Variants in RRH observed in about 807,000 individuals in gnomAD.
The protein encoded by RRH is retinal pigment epithelium-derived rhodopsin homolog, also known as visual pigment-like receptor peropsin.
RRH carries 36 observed loss-of-function variants against 33.1 expected under a neutral mutation model. The ratio of observed to expected loss-of-function variants is 1.09; its 90% CI spans 0.83 to 1.44. RRH has a LOEUF of 1.44. Among genes scored for constraint, RRH ranks in the 40% most tolerant of loss-of-function variants. RRH has a pLI of 0.00. For missense variants in RRH, 393 were observed against 420.2 expected (o/e 0.94, Z 0.57); for synonymous variants, 124 against 140.2 (o/e 0.88, Z 0.82).
At chr4:109,830,561 A>G (rs897228207) in intron 1 of RRH, among the ~76,000 whole-genome samples, 1 of 152,128 alleles carries the variant, frequency 6.6e-6, no homozygotes, top group African/African-American at 2.4e-5. Context: ...CACTGAATAG[A>G]TGGTGATGCT....
In RRH at chr4:109,837,856, A is replaced by G. The variant is rs536932325; in HGVS notation, c.720+251A>G. Among the ~76,000 whole-genome samples the G allele has an allele frequency of 4.6e-4, 70 of 150,786 alleles. No homozygotes were observed. The East Asian group carries it at 0.01, about 22-fold the overall frequency. On this transcript the variant is annotated intron_variant, in intron 5 of 6. Coordinates refer to ENST00000317735, the MANE Select transcript of RRH (RefSeq NM_006583.5). ...AATGGCACGATCTCGGCTCACTGCA[A>G]CCTCCGCCTCCCGGGTTCAAGTGAT...
chr4:109,833,136 C>T lies in RRH; in HGVS notation c.107-3C>T. 6.2e-7 allele frequency: 1 copy of T among 1,610,466 alleles called. No homozygotes were observed. Among genetic ancestry groups the T allele is most frequent in the Non-Finnish European group, 8.5e-7 (1 of 1,176,826 alleles). On this transcript the variant is annotated splice_region_variant and splice_polypyrimidine_tract_variant and intron_variant, in intron 1 of 6. Transcript: ENST00000317735. ...TGCATCATATTTTTGTGTGTGTTCT[C>T]AGGTATGATAAGTATTATCAGCAAC...
chr4:109,842,708 A>C, intron 6 of RRH, 61 bp downstream of exon 6: 1 of 1,455,518 alleles, frequency 6.9e-7, no homozygotes, highest in Non-Finnish European at 9.6e-7. Context: ...GAATGTTAAG[A>C]CTTCTTGGGA....
chr4:109,840,421 T>C (rs1055235147), intron 5 of RRH, among the ~76,000 whole-genome samples: 1 of 152,208 alleles, frequency 6.6e-6, no homozygotes, highest in Non-Finnish European at 1.5e-5. Context: ...GTCGGTTGTC[T>C]GTTTACTCTG....
chr4:109,842,743 A>G (rs1734009160), intron 6 of RRH, 96 bp downstream of exon 6: 2 of 1,088,678 alleles, frequency 1.8e-6, no homozygotes, highest in Non-Finnish European at 2.8e-6. Context: ...ACCCACTTCA[A>G]TCTAGCATAA....
In RRH at chr4:109,844,189, A is replaced by G; in HGVS notation, c.1006A>G (p.Arg336Gly). 1 of 1,602,516 alleles carries G rather than the reference A, an allele frequency of 6.2e-7. No homozygotes were observed. Among genetic ancestry groups the G allele is most frequent in the Middle Eastern group, 1.7e-4 (1 of 6,032 alleles). Residue 336 changes from arginine to glycine, a missense_variant, in exon 7 of 7, where the codon AGA becomes GGA. Transcript: ENST00000317735. ...ATCTCAAAACCCATTGGCTTCTGGA[A>G]GAATCTGAAATAAGATAAAAGGACA... ...DVSQNPLASG[R>G]I
Position 109,828,248 on chromosome 4 carries a change from C to T in RRH, c.106+115C>T, listed in dbSNP as rs1023292076. The T allele has an allele frequency of 1.1e-4, 75 of 702,360 alleles. No homozygotes were observed. The East Asian group carries it at 1.9e-3, about 18-fold the overall frequency. The allele number at this position is 702,360 out of a possible 1,614,324, so 43.5% of individuals were successfully genotyped here. A position where few individuals can be genotyped will look rare whatever the true frequency, so the allele number is the denominator to read the frequency against. On this transcript the variant is annotated intron_variant, in intron 1 of 6. Coordinates refer to ENST00000317735, the MANE Select transcript of RRH (RefSeq NM_006583.5). The stretch of plus-strand genomic sequence containing the variant: ...ATATTATTGGCCAACCTTGACAAGT[C>T]ATTTATCCTGACTTGGCTTGCTCGT...
intron 2 of RRH, among the ~76,000 whole-genome samples, chr4:109,833,614 A>G (rs977771228): frequency 6.6e-6 from 1 of 152,206 alleles, no homozygotes; most frequent in African/African-American, 2.4e-5. Flanking sequence ...ATTCAAATAA[A>G]TATTTGCATA....
chr4:109,829,106 C>A (rs1449768089), intron 1 of RRH, among the ~76,000 whole-genome samples: 1 of 152,012 alleles, frequency 6.6e-6, no homozygotes, highest in Non-Finnish European at 1.5e-5. Context: ...TTTGGATTGA[C>A]TTTTATAAAA....
At chr4:109,828,648 G>A (rs10007208) in intron 1 of RRH, among the ~76,000 whole-genome samples, 149,611 of 152,166 alleles carry the variant, frequency 0.98, 73,594 homozygotes, top group East Asian at 1. Flanking sequence ...GACAGAGCAG[G>A]GTATATTGTC....
At position 109,837,576 on chromosome 4, in the gene RRH, G is replaced by T. The variant is rs761381979; in HGVS notation, c.691G>T (p.Asp231Tyr). 4.3e-6 allele frequency: 7 copies of T among 1,614,010 alleles called. No individual in the cohort carries two copies. Among genetic ancestry groups the T allele is most frequent in the Non-Finnish European group, 4.2e-6 (5 of 1,179,924 alleles). ...TGACTGCACTGAGTCCCTCAACAGA[G>T]ACTGGTCAGATCAGATAGATGTAAC... ...TSDCTESLNR[D>Y]WSDQIDVTKM... Residue 231 changes from aspartate (D) to tyrosine (Y), a missense_variant, in exon 5 of 7, where the codon GAC becomes TAC. Asp to Tyr is a radical substitution (Grantham distance 160). Coordinates refer to ENST00000317735, the MANE Select transcript of RRH (RefSeq NM_006583.5).
Position 109,828,166 on chromosome 4 carries a change from G to C in RRH, c.106+33G>C, listed in dbSNP as rs1293272158. On this transcript the variant is annotated intron_variant, in intron 1 of 6. Coordinates refer to ENST00000317735, the MANE Select transcript of RRH (RefSeq NM_006583.5). Reference sequence around the variant, plus strand: ...TATTTAAGTAAGTTATTTTTCTTTAGAATGGGTGAAGAAAGGCAGAAGTTT... The same window carrying C: ...TATTTAAGTAAGTTATTTTTCTTTACAATGGGTGAAGAAAGGCAGAAGTTT... The C allele has an allele frequency of 3.5e-6, 5 of 1,438,140 alleles. No homozygotes were observed. In the African/African-American group the frequency reaches 7.0e-5, roughly 20 times the overall value. 89.1% of individuals were successfully genotyped at this position (1,438,140 alleles called of 1,614,324 possible).
In RRH at chr4:109,844,310, T is replaced by C; in HGVS notation, c.*113T>C. 1.4e-6 allele frequency: 1 copy of C among 715,126 alleles called. No homozygotes were observed. 44.3% of individuals were successfully genotyped at this position (715,126 alleles called of 1,614,324 possible). On this transcript the variant is annotated 3_prime_UTR_variant, in exon 7 of 7. Coordinates refer to ENST00000317735, the MANE Select transcript of RRH (RefSeq NM_006583.5). ...GACATGGATCATTGTCCTATGAGAG[T>C]GTAAGCTCCTCAAGCACAGCTCGTG... is the stretch of plus-strand genomic sequence containing the variant.
chr4:109,831,885 AG>A (rs925420873), intron 1 of RRH, among the ~76,000 whole-genome samples: 7 of 152,116 alleles, frequency 4.6e-5, no homozygotes, highest in African/African-American at 1.7e-4. Flanking sequence ...GCCAGAAGCA[AG>A]GAGAGGAAAA....
chr4:109,835,225 T>C lies in RRH; in HGVS notation c.298-141T>C, dbSNP rs73838890. The C allele has an allele frequency of 3.8e-3, 2,560 of 665,704 alleles. 41 individuals are homozygous for C. The highest frequency in any genetic ancestry group is 0.036 in the African/African-American group (2,003 of 55,080). The allele number at this position is 665,704 out of a possible 1,614,324, so 41.2% of individuals were successfully genotyped here. A position where few individuals can be genotyped will look rare whatever the true frequency, so the allele number is the denominator to read the frequency against. The stretch of plus-strand genomic sequence containing the variant: ...AATTCTTTTATTAAACCAGTTATAA[T>C]TTGACAATGAAGATGTATTTTAAAG... On this transcript the variant is annotated intron_variant, in intron 2 of 6. Coordinates refer to ENST00000317735, the MANE Select transcript of RRH (RefSeq NM_006583.5).
chr4:109,830,520 C>T (rs1297967957), intron 1 of RRH, among the ~76,000 whole-genome samples: 2 of 152,004 alleles, frequency 1.3e-5, no homozygotes, highest in Admixed American at 1.3e-4. Flanking sequence ...AGAGAAGTAT[C>T]AAAGATGATG....
chr4:109,829,047 T>C (rs369839105), intron 1 of RRH, among the ~76,000 whole-genome samples: 17 of 151,838 alleles, frequency 1.1e-4, no homozygotes, highest in African/African-American at 3.9e-4. Flanking sequence ...TTTTCAACTT[T>C]ATACTCTAAC....
chr4:109,830,146 C>T (rs1579358485), intron 1 of RRH, among the ~76,000 whole-genome samples: 1 of 152,288 alleles, frequency 6.6e-6, no homozygotes, highest in East Asian at 1.9e-4. Context: ...CTTGAGCACT[C>T]TCCCTTTCCC....
chr4:109,828,960 TG>T (rs1202727412), intron 1 of RRH, among the ~76,000 whole-genome samples: 4 of 152,082 alleles, frequency 2.6e-5, no homozygotes, highest in Admixed American at 2.6e-4. Flanking sequence ...AAAAAAGGGA[TG>T]GGGGAATGAC....
Sources: allele counts gnomAD v4.1 joint callset (sites outside exome capture counted in the v4.1 genomes callset), GRCh38; gene constraint gnomAD v4.1.1; transcripts MANE v1.5; gene names NCBI Gene and HGNC (gene_info 2026-07-23, HGNC 2026-07-21).